SCAF8: variants seen among roughly 807,000 people sequenced by gnomAD.
The protein encoded by SCAF8 is SR-related CTD associated factor 8.
SCAF8 carries 23 observed loss-of-function variants against 140.5 expected under a neutral mutation model. The observed-to-expected ratio is 0.16, with a 90% CI of 0.12 to 0.23. The LOEUF (loss-of-function observed/expected upper bound fraction) is 0.23. SCAF8 is among the 10% of genes least tolerant of loss of function. The pLI is 1.00. For synonymous variants in SCAF8, 575 were observed against 528.9 expected, an observed-to-expected ratio of 1.09 and a Z score of -1.20; for missense variants, 1,397 against 1,555.7, an observed-to-expected ratio of 0.90 and a Z score of 1.72.
rs151201772 is a variant in SCAF8, at chr6:154,764,612, T to C, written c.31-9377T>C. ...TGGGATCAGCAGCCACTTAAGACTT[T>C]GGAAAACATGGCAGCAGGGAGCCAG... On this transcript the variant is annotated intron_variant, in intron 1 of 19. Transcript: ENST00000367178. Among the ~76,000 whole-genome samples, 34 of 152,258 alleles carry C rather than the reference T, an allele frequency of 2.2e-4. No homozygotes were observed. The East Asian group carries it at 5.0e-3, about 22-fold the overall frequency.
rs1777466850 is a variant in SCAF8, at chr6:154,792,944, C to T, written c.443C>T (p.Ala148Val). Residue 148 changes from alanine to valine, a missense_variant, in exon 5 of 20, where the codon GCC (alanine) becomes GTC (valine). By Grantham distance (64) the Ala-to-Val change is moderately conservative (BLOSUM62 0). Around this residue, in one of 5 missense-constraint regions of SCAF8, gnomAD observed 339 missense variants for 407.5 expected, o/e 0.83. Transcript: ENST00000367178. ...IPPPVVTPVLASTTTAMSNTP... is the reference protein window; with the variant it reads ...IPPPVVTPVLVSTTTAMSNTP... ...CCTCCAGTTGTCACACCTGTTTTGGCCAGCACTACCACTGCTATGAGCAAT... is the reference window on the plus strand; with the variant it reads ...CCTCCAGTTGTCACACCTGTTTTGGTCAGCACTACCACTGCTATGAGCAAT... 6.2e-7 allele frequency: 1 copy of T among 1,613,642 alleles called. No homozygotes were observed. The highest frequency in any genetic ancestry group is 8.5e-7 in the Non-Finnish European group (1 of 1,179,774).
At position 154,788,040 on chromosome 6, in the gene SCAF8, T is replaced by G. The variant is rs771005985; in HGVS notation, c.321+18T>G. On this transcript the variant is annotated intron_variant, in intron 4 of 19. Coordinates refer to ENST00000367178, the MANE Select transcript of SCAF8 (RefSeq NM_014892.5). ...ATGACAAGGTATGCTACTGGTTTTTTTTTTTTGTTTTTTTAAAAGTAGATA... is the reference window on the plus strand; with the variant it reads ...ATGACAAGGTATGCTACTGGTTTTTGTTTTTTGTTTTTTTAAAAGTAGATA... 2 of 1,579,382 alleles carry G rather than the reference T, an allele frequency of 1.3e-6. No homozygotes were observed. Among genetic ancestry groups the G allele is most frequent in the Non-Finnish European group, 1.7e-6 (2 of 1,168,306 alleles).
chr6:154,758,006 G>A (rs761563909), intron 1 of SCAF8, among the ~76,000 whole-genome samples: 8 of 151,438 alleles, frequency 5.3e-5, no homozygotes, highest in East Asian at 1.9e-4. Context: ...TGCCTCCCAG[G>A]CTCAAGTGAT....
chr6:154,832,126 A>C lies in SCAF8; in HGVS notation c.2547A>C (p.Leu849=), dbSNP rs755561775. ...GIIAAQPPNI[L]NNSGILGIQP... Reference sequence around the variant, plus strand: ...TTGCAGCCCAACCACCAAATATTCTAAATAACTCTGGAATATTGGGAATAC... The same window carrying C: ...TTGCAGCCCAACCACCAAATATTCTCAATAACTCTGGAATATTGGGAATAC... Residue 849 remains leucine (L), a synonymous_variant, in exon 20 of 20, where the codon CTA becomes CTC. Transcript: ENST00000367178. 4 of 1,614,070 alleles carry C rather than the reference A, an allele frequency of 2.5e-6. No homozygotes were observed. Among genetic ancestry groups the C allele is most frequent in the Admixed American group, 3.3e-5 (2 of 60,002 alleles).
chr6:154,776,348 A>T (rs986298309), intron 2 of SCAF8, among the ~76,000 whole-genome samples: 1 of 151,954 alleles, frequency 6.6e-6, no homozygotes, highest in Non-Finnish European at 1.5e-5. Flanking sequence ...AATCAGATTT[A>T]AATGATACTG....
chr6:154,782,176 G>C (rs1323296399), intron 3 of SCAF8, among the ~76,000 whole-genome samples: 1 of 152,156 alleles, frequency 6.6e-6, no homozygotes, highest in East Asian at 1.9e-4. Context: ...AGCAGTTTGG[G>C]AGGGGCCAAG....
intron 14 of SCAF8, among the ~76,000 whole-genome samples, chr6:154,819,898 A>G (rs143627040): frequency 8.6e-5 from 13 of 151,758 alleles, no homozygotes; most frequent in African/African-American, 2.9e-4. Context: ...TAAGGCAGGA[A>G]TATCGATGGC....
rs1402937096 is a variant in SCAF8 at position 154,779,777 on chromosome 6, GTGTGTATATATA to G, written c.159+1734_159+1745del. The stretch of plus-strand genomic sequence containing the variant: ...AAATAAGGTGTGTGTGTGTGTGTGT[GTGTGTATATATA>G]TATATATATATACACTTTTTTTTTA... On this transcript the variant is annotated intron_variant, in intron 3 of 19. Coordinates refer to ENST00000367178, the MANE Select transcript of SCAF8 (RefSeq NM_014892.5). Among the ~76,000 whole-genome samples the G allele has an allele frequency of 5.2e-3, 480 of 91,822 alleles. 4 individuals are homozygous for G. The highest frequency in any genetic ancestry group is 0.03 in the African/African-American group (456 of 15,156). 60.2% of individuals were successfully genotyped at this position (91,822 alleles called of 152,430 possible).
At chr6:154,767,428 A>G (rs992942734) in intron 1 of SCAF8, among the ~76,000 whole-genome samples, 10 of 151,172 alleles carry the variant, frequency 6.6e-5, no homozygotes, top group Non-Finnish European at 1.5e-4. Context: ...AAACCTGTTC[A>G]GGGAGATACT....
chr6:154,792,514 G>A (rs1392313931), intron 4 of SCAF8, among the ~76,000 whole-genome samples: 4 of 152,160 alleles, frequency 2.6e-5, no homozygotes, highest in Non-Finnish European at 5.9e-5. Flanking sequence ...CCTTAAGACA[G>A]ATCTCCAGCC....
intron 1 of SCAF8, among the ~76,000 whole-genome samples, chr6:154,757,574 T>C (rs1454584307): frequency 6.6e-6 from 1 of 152,198 alleles, no homozygotes; most frequent in Non-Finnish European, 1.5e-5. Flanking sequence ...AATCATCACA[T>C]GCTTGGATAC....
chr6:154,742,817 C>T (rs1372747767), intron 1 of SCAF8, among the ~76,000 whole-genome samples: 3 of 152,104 alleles, frequency 2.0e-5, no homozygotes, highest in African/African-American at 7.2e-5. Flanking sequence ...TGATGTATGA[C>T]AAATTTGTTT....
At chr6:154,735,580 C>T (rs933489576) in intron 1 of SCAF8, among the ~76,000 whole-genome samples, 8 of 143,544 alleles carry the variant, frequency 5.6e-5, no homozygotes, top group Admixed American at 2.8e-4. Flanking sequence ...GTGTCACCAT[C>T]TCAGCTCACT....
At chr6:154,760,514 A>C (rs2114823208) in intron 1 of SCAF8, among the ~76,000 whole-genome samples, 1 of 152,274 alleles carries the variant, frequency 6.6e-6, no homozygotes, top group South Asian at 2.1e-4. Context: ...AATTCTGAGA[A>C]ATACATACAG....
At chr6:154,821,536 G>C (rs993255364) in intron 15 of SCAF8, among the ~76,000 whole-genome samples, 1 of 152,146 alleles carries the variant, frequency 6.6e-6, no homozygotes, top group African/African-American at 2.4e-5. Context: ...AAAAATCAGG[G>C]AAGGGAGATG....
chr6:154,754,678 A>T (rs910866405), intron 1 of SCAF8, among the ~76,000 whole-genome samples: 8 of 152,110 alleles, frequency 5.3e-5, no homozygotes, highest in African/African-American at 1.7e-4. Context: ...TGTCTCTTTC[A>T]AATTTTTGTG....
intron 1 of SCAF8, among the ~76,000 whole-genome samples, chr6:154,760,360 T>C (rs1201386712): frequency 6.6e-6 from 1 of 152,204 alleles, no homozygotes; most frequent in Non-Finnish European, 1.5e-5. Context: ...AAAGAGGATT[T>C]CTTTTTTCTC....
At chr6:154,769,343 C>G (rs1776671362) in intron 1 of SCAF8, among the ~76,000 whole-genome samples, 1 of 152,168 alleles carries the variant, frequency 6.6e-6, no homozygotes, top group Admixed American at 6.5e-5. Flanking sequence ...AAGCTTTGGT[C>G]TGCTACAATA....
At chr6:154,803,777 CTT>C (rs1017674926) in intron 8 of SCAF8, among the ~76,000 whole-genome samples, 154 bp downstream of exon 8, 1 of 152,110 alleles carries the variant, frequency 6.6e-6, no homozygotes, top group Non-Finnish European at 1.5e-5. Flanking sequence ...CTTGTTGTCT[CTT>C]TGTATTATTT....
Sources: gnomAD v4.1 joint callset for allele counts (sites outside exome capture counted in the v4.1 genomes callset) on GRCh38, gnomAD v4.1.1 for gene constraint, gnomAD v4.1.1 regional missense constraint, MANE v1.5 for transcripts, NCBI Gene and HGNC (gene_info 2026-07-23, HGNC 2026-07-21) for gene names.